Variants in C8orf76 observed in about 807,000 individuals in gnomAD.
The protein encoded by C8orf76 is chromosome 8 open reading frame 76.
Under a neutral mutation model 38.1 loss-of-function variants are expected in C8orf76, and 46 were observed. That is an observed-to-expected ratio of 1.21 (90% CI 0.95 to 1.54). The LOEUF (loss-of-function observed/expected upper bound fraction) is 1.54, where lower values mean the gene tolerates loss of function less well. C8orf76 is among the 40% of genes most tolerant of loss of function. The pLI, the probability that C8orf76 is intolerant of heterozygous loss-of-function variation, is 0.00. For missense variants in C8orf76, 461 were observed against 441.6 expected, an observed-to-expected ratio of 1.04 and a Z score of -0.39; for synonymous variants, 166 against 167.5, an observed-to-expected ratio of 0.99 and a Z score of 0.07.
intron 5 of C8orf76, among the ~76,000 whole-genome samples, chr8:123,223,217 A>C (rs1824934504): frequency 6.6e-6 from 1 of 152,232 alleles, no homozygotes; most frequent in African/African-American, 2.4e-5. Context: ...AGAACATAGA[A>C]AATAAAATGT....
In C8orf76 at chr8:123,241,236, C is replaced by G; in HGVS notation, c.111G>C (p.Glu37Asp). Reference sequence around the variant, plus strand: ...AGAGGCCCCAGCTTCTCACCTGCGGCTCGCAGAGCTTGGCGCAGTAGGACG... The same window carrying G: ...AGAGGCCCCAGCTTCTCACCTGCGGGTCGCAGAGCTTGGCGCAGTAGGACG... ...PPASYCAKLCEPQWFYEETES... is the reference protein window; with the variant it reads ...PPASYCAKLCDPQWFYEETES... Residue 37 changes from glutamate (E) to aspartate (D), a missense_variant, in exon 1 of 6, where the codon GAG (glutamate) becomes GAC (aspartate). Physicochemically the swap from Glu to Asp is conservative, Grantham distance 45 (BLOSUM62 2). Transcript: ENST00000276704. 6.3e-7 allele frequency: 1 copy of G among 1,587,528 alleles called. No individual in the cohort carries two copies. The highest frequency in any genetic ancestry group is 1.1e-5 in the South Asian group (1 of 89,698).
Position 123,229,634 on chromosome 8 carries a change from G to A in C8orf76, c.815+1666C>T, listed in dbSNP as rs556873502. 2.0e-5 allele frequency among the ~76,000 whole-genome samples: 3 copies of A among 152,338 alleles called. No homozygotes were observed. In the South Asian group the frequency reaches 6.2e-4, roughly 32 times the overall value. Reference sequence around the variant, plus strand: ...ATGATCTTTGTGATCCTAGCACCAAGCACATGTCTGGCACACGGTTGTCAT... The same window carrying A: ...ATGATCTTTGTGATCCTAGCACCAAACACATGTCTGGCACACGGTTGTCAT... On this transcript the variant is annotated intron_variant, in intron 4 of 5. Transcript: ENST00000276704.
At chr8:123,232,743 C>T (rs1430614139) in intron 3 of C8orf76, among the ~76,000 whole-genome samples, 2 of 152,170 alleles carry the variant, frequency 1.3e-5, no homozygotes, top group East Asian at 3.8e-4. Flanking sequence ...TGACACTGTA[C>T]CTTCCCAAAG....
At chr8:123,227,204 A>G (rs1218564727) in intron 4 of C8orf76, among the ~76,000 whole-genome samples, 1 of 151,170 alleles carries the variant, frequency 6.6e-6, no homozygotes, top group African/African-American at 2.4e-5. Flanking sequence ...TGTCATGATC[A>G]TAGCTGGTCT....
chr8:123,221,997 G>A (rs1172571761), intron 5 of C8orf76, among the ~76,000 whole-genome samples: 1 of 151,430 alleles, frequency 6.6e-6, no homozygotes, highest in Non-Finnish European at 1.5e-5. Context: ...TCTTTTTTTT[G>A]GGGGGCGGGG....
chr8:123,230,928 G>A (rs56751926), intron 4 of C8orf76, among the ~76,000 whole-genome samples: 6,049 of 152,198 alleles, frequency 0.04, 395 homozygotes, highest in African/African-American at 0.14. Context: ...GATTACAGGC[G>A]TGAGCCACCG....
intron 5 of C8orf76, chr8:123,226,247 T>G: frequency 7.5e-7 from 1 of 1,340,994 alleles, no homozygotes; most frequent in Non-Finnish European, 9.5e-7. Flanking sequence ...TGGGCATTGA[T>G]GATGTTCAGG....
intron 3 of C8orf76, chr8:123,236,774 ACT>A: frequency 2.0e-6 from 1 of 495,308 alleles, no homozygotes; most frequent in Non-Finnish European, 3.7e-6. Context: ...ACAGAGTGAG[ACT>A]CTGTCTCAAA....
intron 2 of C8orf76, among the ~76,000 whole-genome samples, chr8:123,238,405 T>G (rs916524558): frequency 2.6e-5 from 4 of 152,176 alleles, no homozygotes; most frequent in African/African-American, 9.7e-5. Flanking sequence ...AACCTTTTTT[T>G]TTTTAAATAA....
chr8:123,220,150 A>T lies in C8orf76; in HGVS notation c.1096T>A (p.Cys366Ser). The T allele has an allele frequency of 6.2e-7, 1 of 1,612,700 alleles. No individual in the cohort carries two copies. Among genetic ancestry groups the T allele is most frequent in the Non-Finnish European group, 8.5e-7 (1 of 1,179,644 alleles). The change falls in exon 6 of 6, where the codon TGT (cysteine) becomes AGT (serine). Residue 366 changes from cysteine (C) to serine (S), a missense_variant. Coordinates refer to ENST00000276704, the MANE Select transcript of C8orf76 (RefSeq NM_032847.3). ...GTATGGAACTGATTTTCAAATGGACAGAAATGGTCTTTGATCTTTCTGAAC... is the reference window on the plus strand; with the variant it reads ...GTATGGAACTGATTTTCAAATGGACTGAAATGGTCTTTGATCTTTCTGAAC... ...KWFRKIKDHF[C>S]PFENQFHTEI... is the part of the protein sequence containing the mutation.
intron 4 of C8orf76, among the ~76,000 whole-genome samples, chr8:123,229,946 A>G (rs116810328): frequency 0.016 from 2,373 of 152,084 alleles, 75 homozygotes; most frequent in African/African-American, 0.054. Flanking sequence ...GAACCTGGAG[A>G]CAGACGTTGC....
At chr8:123,230,805 A>G (rs938666674) in intron 4 of C8orf76, among the ~76,000 whole-genome samples, 3 of 152,224 alleles carry the variant, frequency 2.0e-5, no homozygotes, top group South Asian at 2.1e-4. Context: ...ACGTGCCACC[A>G]TGCCCAGCTA....
rs773121696 is a variant in C8orf76, at chr8:123,226,550, T to C, written c.898A>G (p.Lys300Glu). 6.2e-7 allele frequency: 1 copy of C among 1,613,780 alleles called. No individual in the cohort carries two copies. Among genetic ancestry groups the C allele is most frequent in the Non-Finnish European group, 8.5e-7 (1 of 1,179,940 alleles). ...NLRTQQEIED[K>E]MKGFSFKEDT... The stretch of plus-strand genomic sequence containing the variant: ...TCTTTGAAGCTGAACCCTTTCATTT[T>C]ATCTTCAATTTCCTGCTGAGTCCTT... The change falls in exon 5 of 6, where the codon AAA (lysine) becomes GAA (glutamate). Residue 300 changes from lysine (K) to glutamate (E), a missense_variant. By Grantham distance (56) the Lys-to-Glu change is moderately conservative. Coordinates refer to ENST00000276704, the MANE Select transcript of C8orf76 (RefSeq NM_032847.3).
intron 3 of C8orf76, among the ~76,000 whole-genome samples, chr8:123,233,134 C>T (rs951106718): frequency 1.3e-5 from 2 of 151,956 alleles, no homozygotes; most frequent in Non-Finnish European, 2.9e-5. Flanking sequence ...AATCCTCCTG[C>T]CTCAGCCTCC....
chr8:123,231,342 A>G lies in C8orf76; in HGVS notation c.773T>C (p.Ile258Thr), dbSNP rs141996688. 1.3e-5 allele frequency: 21 copies of G among 1,613,632 alleles called. No homozygotes were observed. Among genetic ancestry groups the G allele is most frequent in the Non-Finnish European group, 1.6e-5 (19 of 1,179,966 alleles). The part of the protein sequence containing the change: ...CMAEKRETVL[I>T]ETQLKACASF... ...GGCACATGCTTTCAGCTGAGTCTCTATCAACACTGTTTCTCTCTTTTCTGC... is the reference window on the plus strand; with the variant it reads ...GGCACATGCTTTCAGCTGAGTCTCTGTCAACACTGTTTCTCTCTTTTCTGC... The change falls in exon 4 of 6, where the codon ATA becomes ACA. Residue 258 changes from isoleucine to threonine, a missense_variant. Coordinates refer to ENST00000276704, the MANE Select transcript of C8orf76 (RefSeq NM_032847.3).
intron 1 of C8orf76, 69 bp from the exon 2 acceptor site, chr8:123,239,213 T>C: frequency 6.7e-7 from 1 of 1,502,052 alleles, no homozygotes; most frequent in Non-Finnish European, 9.2e-7. Context: ...AGAAGCAATT[T>C]CCCATAATAT....
At chr8:123,227,988 G>A (rs547246225) in intron 4 of C8orf76, among the ~76,000 whole-genome samples, 19 of 151,978 alleles carry the variant, frequency 1.3e-4, no homozygotes, top group Admixed American at 3.3e-4. Flanking sequence ...AGGCACCCGC[G>A]ACTCGGTACT....
At chr8:123,230,512 G>GT (rs1406195875) in intron 4 of C8orf76, among the ~76,000 whole-genome samples, 1 of 152,140 alleles carries the variant, frequency 6.6e-6, no homozygotes, top group Admixed American at 6.5e-5. Context: ...GTTTCTGAGA[G>GT]TTTCATTCTG....
At chr8:123,223,405 C>T (rs1172598427) in intron 5 of C8orf76, among the ~76,000 whole-genome samples, 4 of 152,086 alleles carry the variant, frequency 2.6e-5, no homozygotes, top group Non-Finnish European at 4.4e-5. Context: ...ATCAGGAGTT[C>T]GAGACCAGCC....
Sources: allele counts gnomAD v4.1 joint callset (sites outside exome capture counted in the v4.1 genomes callset), GRCh38; gene constraint gnomAD v4.1.1; transcripts MANE v1.5; gene names NCBI Gene and HGNC (gene_info 2026-07-23, HGNC 2026-07-21).